TNRC6C: variants seen among roughly 807,000 people sequenced by gnomAD.
The protein encoded by TNRC6C is trinucleotide repeat containing adaptor 6C.
In TNRC6C, 20 loss-of-function variants were observed where a neutral mutation model predicts 153.7. That is an observed-to-expected ratio of 0.13 (90% CI 0.09 to 0.19). TNRC6C has a LOEUF of 0.19. TNRC6C is among the 10% of genes least tolerant of loss of function. TNRC6C has a pLI of 1.00. For missense variants in TNRC6C, 1,987 were observed against 2,172.0 expected (o/e 0.91, Z 1.69); for synonymous variants, 811 against 841.4 (o/e 0.96, Z 0.63).
In TNRC6C at chr17:78,093,139, C is replaced by T. The variant is rs2073422795; in HGVS notation, c.4162+15C>T. 6.2e-7 allele frequency: 1 copy of T among 1,610,374 alleles called. No individual in the cohort carries two copies. The highest frequency in any genetic ancestry group is 8.5e-7 in the Non-Finnish European group (1 of 1,178,740). Reference sequence around the variant, plus strand: ...CTGGCCCCCAGGTAAGACCATGCAACACTTCTGTGCAACAGCAGCAGGTCA... The same window carrying T: ...CTGGCCCCCAGGTAAGACCATGCAATACTTCTGTGCAACAGCAGCAGGTCA... On this transcript the variant is annotated intron_variant, in intron 15 of 19. Transcript: ENST00000301624.
exon 3 of TNRC6C, chr17:78,051,238 G>A: frequency 6.4e-7 from 1 of 1,559,866 alleles, no homozygotes. Context: ...GGAAATTGAT[G>A]ATGGTACCTC....
At chr17:78,102,609 G>A (rs2073617814) in intron 18 of TNRC6C, 65 bp downstream of exon 21, 3 of 1,490,430 alleles carry the variant, frequency 2.0e-6, no homozygotes, top group African/African-American at 1.4e-5. Flanking sequence ...GGCCCCCAAT[G>A]CAGATGAGGC....
intron 6 of TNRC6C, among the ~76,000 whole-genome samples, chr17:78,071,992 A>G (rs973578998): frequency 6.6e-6 from 1 of 152,228 alleles, no homozygotes; most frequent in Non-Finnish European, 1.5e-5. Context: ...GATGTCGCCC[A>G]TATTCGCCAT....
In TNRC6C at chr17:78,075,227, C is replaced by T; in HGVS notation, c.3009C>T (p.Arg1003=). The T allele has an allele frequency of 6.2e-7, 1 of 1,602,362 alleles. No homozygotes were observed. The highest frequency in any genetic ancestry group is 8.5e-7 in the Non-Finnish European group (1 of 1,174,610). Reference sequence around the variant, plus strand: ...TGGCCGCCAAGCCCCTCGGCTGCCGCCCGCCAATCTCCAAAGAGTCTTCCG... The same window carrying T: ...TGGCCGCCAAGCCCCTCGGCTGCCGTCCGCCAATCTCCAAAGAGTCTTCCG... The change falls in exon 8 of 20, where the codon CGC becomes CGT. Residue 1003 remains arginine, a synonymous_variant. Coordinates refer to ENST00000301624, the Ensembl canonical transcript of TNRC6C. The surrounding 1 kb of genome is among the most constrained non-coding windows in gnomAD (Gnocchi z 4.2).
At chr17:78,043,461 AT>A (rs1475332597) in intron 2 of TNRC6C, among the ~76,000 whole-genome samples, 6 of 152,186 alleles carry the variant, frequency 3.9e-5, no homozygotes, top group Non-Finnish European at 8.8e-5. Context: ...CATAGAAGGT[AT>A]ATATATTTAT....
intron 3 of TNRC6C, among the ~76,000 whole-genome samples, chr17:78,063,968 T>A (rs749747489): frequency 5.9e-5 from 9 of 152,210 alleles, no homozygotes; most frequent in Non-Finnish European, 1.0e-4. Context: ...ATGCTGACAA[T>A]TGAATAGGCT....
At chr17:78,051,538 G>GT in intron 3 of TNRC6C, 90 bp downstream of exon 5, 8 of 1,249,862 alleles carry the variant, frequency 6.4e-6, no homozygotes, top group Middle Eastern at 2.7e-4. Context: ...TCCGAGTAGT[G>GT]TTTTTTATAG....
Position 78,075,319 on chromosome 17 carries a change from AGAG to A in TNRC6C, c.3060+45_3060+47del. ...GTTTGTTGTTTTTGCTTTTTTAACA[AGAG>A]GAGTTTTTCATTTCAACTGTGTCCT... On this transcript the variant is annotated intron_variant, in intron 8 of 19. Transcript: ENST00000301624. This position sits in a 1 kb window ranked among gnomAD's most constrained non-coding sequence, Gnocchi z 4.2. 3 of 1,543,832 alleles carry A rather than the reference AGAG, an allele frequency of 1.9e-6. No individual in the cohort carries two copies. The South Asian group carries it at 3.6e-5, about 18-fold the overall frequency.
At chr17:78,050,744 C>T in exon 3 of TNRC6C, 2 of 1,591,706 alleles carry the variant, frequency 1.3e-6, no homozygotes, top group African/African-American at 1.3e-5. Flanking sequence ...TGGAGTGGGG[C>T]CGCAAATCAG....
intron 3 of TNRC6C, among the ~76,000 whole-genome samples, chr17:78,059,059 C>T (rs1400633209): frequency 5.9e-5 from 9 of 152,180 alleles, no homozygotes; most frequent in Admixed American, 1.3e-4. Context: ...TCATTAGCAG[C>T]AGAAGCCAGA....
intron 2 of TNRC6C, among the ~76,000 whole-genome samples, chr17:78,043,232 G>A (rs1391853591): frequency 1.3e-5 from 2 of 152,204 alleles, no homozygotes; most frequent in African/African-American, 2.4e-5. Flanking sequence ...GGCTGGGCTG[G>A]GCACACTCCC....
upstream of TNRC6C, among the ~76,000 whole-genome samples, chr17:77,999,481 CGTTGTT>C (rs138308114): frequency 6.6e-6 from 1 of 151,986 alleles, no homozygotes; most frequent in East Asian, 1.9e-4. Context: ...TGTCCAGTTT[CGTTGTT>C]GTTGTTGTTG....
At chr17:78,037,611 C>A (rs967947497) in intron 2 of TNRC6C, among the ~76,000 whole-genome samples, 19 of 152,136 alleles carry the variant, frequency 1.2e-4, no homozygotes, top group African/African-American at 4.1e-4. Context: ...AAGCGCAGAC[C>A]CGCAGTTGTA....
In TNRC6C at chr17:78,017,966, G is replaced by A. The variant is rs116542855; in HGVS notation, c.-546+12887G>A. 8.8e-3 allele frequency among the ~76,000 whole-genome samples: 1,340 copies of A among 152,202 alleles called. 20 individuals carry two copies. The highest frequency in any genetic ancestry group is 0.03 in the African/African-American group (1,246 of 41,534). ...GGAGCTTTCTGAATCCCTAAATTAGGTTATCTTGTCCCACTGTTCCTTTTA... is the reference window on the plus strand; with the variant it reads ...GGAGCTTTCTGAATCCCTAAATTAGATTATCTTGTCCCACTGTTCCTTTTA... On this transcript the variant is annotated intron_variant, in intron 1 of 19. Transcript: ENST00000301624.
intron 18 of TNRC6C, 24 bp from the exon 22 acceptor site, chr17:78,103,390 A>G: frequency 1.2e-6 from 2 of 1,611,970 alleles, no homozygotes; most frequent in Middle Eastern, 1.7e-4. Flanking sequence ...AAGCTCATTC[A>G]TGTCCCTGTG....
At chr17:78,077,980 C>T (rs1306326295) in intron 9 of TNRC6C, among the ~76,000 whole-genome samples, 2 of 152,170 alleles carry the variant, frequency 1.3e-5, no homozygotes, top group African/African-American at 4.8e-5. Flanking sequence ...CTAGGACATC[C>T]CTTCTCTCTG....
chr17:78,038,269 T>C (rs148242434), intron 2 of TNRC6C, among the ~76,000 whole-genome samples: 1 of 152,192 alleles, frequency 6.6e-6, no homozygotes, highest in Non-Finnish European at 1.5e-5. Context: ...ATCTCAAAAA[T>C]ACCAAGTGTT....
At chr17:78,000,699 T>C (rs553277967), upstream of TNRC6C, among the ~76,000 whole-genome samples, 2 of 134,318 alleles carry the variant, frequency 1.5e-5, no homozygotes, top group African/African-American at 5.6e-5. Context: ...AACTTCAGAG[T>C]ATGGTCTCTG....
At chr17:78,020,792 GTA>G (rs1259291166) in intron 1 of TNRC6C, among the ~76,000 whole-genome samples, 1 of 152,160 alleles carries the variant, frequency 6.6e-6, no homozygotes, top group African/African-American at 2.4e-5. Context: ...TTAGAATCCA[GTA>G]TATGTTTTAA....
Sources: gnomAD v4.1 joint callset for allele counts (sites outside exome capture counted in the v4.1 genomes callset) on GRCh38, gnomAD v4.1.1 for gene constraint, Gnocchi (gnomAD v3.1) non-coding constraint, MANE v1.5 for transcripts, NCBI Gene and HGNC (gene_info 2026-07-23, HGNC 2026-07-21) for gene names.